The following ARHGAP24 variants were observed in gnomAD, a reference collection of about 807,000 sequenced individuals.
The protein encoded by ARHGAP24 is Rho GTPase activating protein 24.
Under a neutral mutation model 76.4 loss-of-function variants are expected in ARHGAP24, and 50 were observed. The observed-to-expected ratio is 0.65, with a 90% CI of 0.52 to 0.83. The LOEUF is 0.83. Among genes scored for constraint, ARHGAP24 ranks in the 40% least tolerant of loss-of-function variants. ARHGAP24 has a pLI of 0.00. For missense variants in ARHGAP24, 930 were observed against 914.2 expected, an observed-to-expected ratio of 1.02 and a Z score of -0.22; for synonymous variants, 345 against 323.3, an observed-to-expected ratio of 1.07 and a Z score of -0.72.
intron 1 of ARHGAP24, among the ~76,000 whole-genome samples, chr4:85,533,250 G>A (rs1316566669): frequency 6.6e-6 from 1 of 152,166 alleles, no homozygotes; most frequent in African/African-American, 2.4e-5. Flanking sequence ...ACATCATCTT[G>A]AAGGAGGGGA....
In ARHGAP24 at chr4:85,982,926, C is replaced by A. The variant is rs768688891; in HGVS notation, c.928+5235C>A. Among the ~76,000 whole-genome samples the A allele has an allele frequency of 3.7e-4, 56 of 152,116 alleles. 2 individuals are homozygous for A. Among genetic ancestry groups the A allele is most frequent in the Admixed American group, 2.5e-3 (38 of 15,260 alleles). Reference sequence around the variant, plus strand: ...ATTTCCTGATGTTTTCCCTTCCCCCCCTTCTCCCAACAAACACCAGTGTGT... The same window carrying A: ...ATTTCCTGATGTTTTCCCTTCCCCCACTTCTCCCAACAAACACCAGTGTGT... On this transcript the variant is annotated intron_variant, in intron 8 of 9. Transcript: ENST00000395184.
At chr4:85,484,106 C>T (rs1722927711) in intron 1 of ARHGAP24, among the ~76,000 whole-genome samples, 1 of 152,138 alleles carries the variant, frequency 6.6e-6, no homozygotes, top group South Asian at 2.1e-4. Flanking sequence ...GGTTTTTTCC[C>T]TATTTTCCTA....
chr4:85,613,638 A>G (rs1720462368), intron 2 of ARHGAP24, among the ~76,000 whole-genome samples: 1 of 152,186 alleles, frequency 6.6e-6, no homozygotes, highest in Non-Finnish European at 1.5e-5. Flanking sequence ...TTTTTGGGGA[A>G]TATTACCAAA....
At chr4:85,819,117 A>G (rs1729366120) in intron 3 of ARHGAP24, among the ~76,000 whole-genome samples, 1 of 152,180 alleles carries the variant, frequency 6.6e-6, no homozygotes, top group African/African-American at 2.4e-5. Context: ...ATTTTTACAC[A>G]TCCTTCCTCT....
intron 1 of ARHGAP24, among the ~76,000 whole-genome samples, chr4:85,551,953 A>G (rs1237723799): frequency 6.6e-6 from 1 of 151,678 alleles, no homozygotes; most frequent in Non-Finnish European, 1.5e-5. Flanking sequence ...TACCTTATTT[A>G]TTATTTAAAA....
intron 1 of ARHGAP24, among the ~76,000 whole-genome samples, chr4:85,564,458 G>C (rs755223197): frequency 1.3e-5 from 1 of 76,244 alleles, no homozygotes; most frequent in Non-Finnish European, 3.1e-5. Flanking sequence ...GAGTTAATGG[G>C]TGCAGCACAC....
chr4:85,689,776 G>C (rs1723561501), intron 2 of ARHGAP24, among the ~76,000 whole-genome samples: 1 of 152,142 alleles, frequency 6.6e-6, no homozygotes, highest in South Asian at 2.1e-4. Flanking sequence ...AGAGTCTTTA[G>C]GGTTTATAGG....
At chr4:85,618,351 A>G (rs1578081708) in intron 2 of ARHGAP24, among the ~76,000 whole-genome samples, 1 of 152,114 alleles carries the variant, frequency 6.6e-6, no homozygotes, top group African/African-American at 2.4e-5. Flanking sequence ...TGCATTGTAT[A>G]TATTTACCAC....
chr4:85,486,533 C>T (rs186977380), intron 1 of ARHGAP24, among the ~76,000 whole-genome samples: 3 of 152,240 alleles, frequency 2.0e-5, no homozygotes, highest in Admixed American at 1.3e-4. Flanking sequence ...AAAACAAATG[C>T]AAACAATATC....
chr4:85,877,506 T>C (rs1372401688), intron 3 of ARHGAP24, among the ~76,000 whole-genome samples: 2 of 150,874 alleles, frequency 1.3e-5, no homozygotes, highest in East Asian at 3.9e-4. Flanking sequence ...ACACTTGTAG[T>C]CCCAGCTACT....
chr4:85,634,424 A>T (rs1721249642), intron 2 of ARHGAP24, among the ~76,000 whole-genome samples: 1 of 151,850 alleles, frequency 6.6e-6, no homozygotes, highest in South Asian at 2.1e-4. Context: ...CACATTTTCA[A>T]ATATGTCCAA....
At chr4:85,701,508 C>CA (rs985503944) in intron 2 of ARHGAP24, among the ~76,000 whole-genome samples, 8 of 151,866 alleles carry the variant, frequency 5.3e-5, no homozygotes, top group Non-Finnish European at 7.4e-5. Flanking sequence ...TGCATCTTTT[C>CA]AAAAAAACTG....
At chr4:85,623,759 T>G (rs973714447) in intron 2 of ARHGAP24, among the ~76,000 whole-genome samples, 2 of 151,996 alleles carry the variant, frequency 1.3e-5, no homozygotes, top group Non-Finnish European at 2.9e-5. Context: ...TATCTTCTTT[T>G]ATTTCATTGA....
At chr4:85,551,763 G>A (rs975465197) in intron 1 of ARHGAP24, among the ~76,000 whole-genome samples, 2 of 151,992 alleles carry the variant, frequency 1.3e-5, no homozygotes, top group Non-Finnish European at 2.9e-5. Flanking sequence ...GAGGTTGTAT[G>A]TTTTCAGGAA....
intron 3 of ARHGAP24, among the ~76,000 whole-genome samples, chr4:85,870,205 A>T (rs1028576625): frequency 6.6e-6 from 1 of 152,170 alleles, no homozygotes; most frequent in Admixed American, 6.6e-5. Flanking sequence ...ATCATATACT[A>T]TATATAATTG....
At chr4:85,594,609 T>C (rs990688524) in intron 2 of ARHGAP24, among the ~76,000 whole-genome samples, 2 of 151,984 alleles carry the variant, frequency 1.3e-5, no homozygotes, top group East Asian at 1.9e-4. Flanking sequence ...TTCTAATTAG[T>C]ATAAAAAAAG....
intron 3 of ARHGAP24, among the ~76,000 whole-genome samples, chr4:85,852,345 T>G (rs1731282688): frequency 6.6e-6 from 1 of 152,190 alleles, no homozygotes; most frequent in African/African-American, 2.4e-5. Flanking sequence ...GTTAGCCTTT[T>G]GTCTAATCTT....
chr4:85,519,702 T>G (rs1335710720), intron 1 of ARHGAP24, among the ~76,000 whole-genome samples: 1 of 152,186 alleles, frequency 6.6e-6, no homozygotes, highest in Non-Finnish European at 1.5e-5. Context: ...AAAATATTCG[T>G]TTCTGAAGAG....
chr4:85,919,563 A>G (rs183073987), intron 3 of ARHGAP24, among the ~76,000 whole-genome samples: 8 of 152,288 alleles, frequency 5.3e-5, no homozygotes, highest in African/African-American at 1.9e-4. Flanking sequence ...AGATCCATAG[A>G]TGAAATTCAC....
Sources: gnomAD v4.1 joint callset for allele counts (sites outside exome capture counted in the v4.1 genomes callset) on GRCh38, gnomAD v4.1.1 for gene constraint, MANE v1.5 for transcripts, NCBI Gene and HGNC (gene_info 2026-07-23, HGNC 2026-07-21) for gene names.